Variants in ATP6V1D observed in about 807,000 individuals in gnomAD.
The protein encoded by ATP6V1D is ATPase H+ transporting V1 subunit D.
A neutral mutation model predicts 39.4 loss-of-function variants in ATP6V1D; 20 were observed. That is an observed-to-expected ratio of 0.51 (90% CI 0.36 to 0.74). ATP6V1D has a LOEUF of 0.74. Among genes scored for constraint, ATP6V1D ranks in the 30% least tolerant of loss-of-function variants. ATP6V1D has a pLI of 0.00. For synonymous variants in ATP6V1D, 100 were observed against 100.5 expected (o/e 0.99, Z 0.03); for missense variants, 228 against 291.6 (o/e 0.78, Z 1.59).
chr14:67,341,014 C>T (rs1157234694), intron 7 of ATP6V1D, among the ~76,000 whole-genome samples: 5 of 152,168 alleles, frequency 3.3e-5, no homozygotes, highest in Non-Finnish European at 5.9e-5. Flanking sequence ...GGCGTGATCT[C>T]GGCTCGCTAC....
At position 67,345,808 on chromosome 14, in the gene ATP6V1D, G is replaced by A; in HGVS notation, c.416C>T (p.Ala139Val). 2 of 1,614,060 alleles carry A rather than the reference G, an allele frequency of 1.2e-6. No individual in the cohort carries two copies. Among genetic ancestry groups the A allele is most frequent in the Non-Finnish European group, 1.7e-6 (2 of 1,179,992 alleles). The change falls in exon 6 of 9, where the codon GCC (alanine) becomes GTC (valine). Residue 139 changes from alanine to valine, a missense_variant. By Grantham distance (64) the Ala-to-Val change is moderately conservative. This residue lies in a region of ATP6V1D where 114 missense variants were observed against 128.3 expected (regional missense o/e 0.89). Transcript: ENST00000216442. ...EQLAKLKRNY[A>V]KAVELLVELA... ...TTCCACCAGTAGTTCCACTGCTTTG[G>A]CATAATTCCTCTTTAATTTAGCCAA...
intron 1 of ATP6V1D, among the ~76,000 whole-genome samples, chr14:67,355,641 C>T (rs887857232): frequency 4.6e-5 from 7 of 151,724 alleles, no homozygotes; most frequent in African/African-American, 7.3e-5. Context: ...TTATAAGTTC[C>T]GGGGAAAGAG....
intron 2 of ATP6V1D, chr14:67,352,708 GC>G: frequency 2.2e-6 from 1 of 446,936 alleles, no homozygotes; most frequent in Non-Finnish European, 3.9e-6. Flanking sequence ...CAGGCGGGGG[GC>G]CAATCAGATC....
intron 2 of ATP6V1D, among the ~76,000 whole-genome samples, chr14:67,351,259 TA>T (rs1818239517): frequency 6.6e-6 from 1 of 152,092 alleles, no homozygotes; most frequent in Non-Finnish European, 1.5e-5. Flanking sequence ...GGAAATTTAG[TA>T]AAGAGACCAC....
At chr14:67,340,891 G>C (rs2085575937) in intron 7 of ATP6V1D, among the ~76,000 whole-genome samples, 1 of 152,234 alleles carries the variant, frequency 6.6e-6, no homozygotes. Flanking sequence ...GGCCAGGCTG[G>C]TCTCCAGCTC....
intron 6 of ATP6V1D, 25 bp downstream of exon 6, chr14:67,345,743 G>C: frequency 6.6e-7 from 1 of 1,517,346 alleles, no homozygotes; most frequent in Non-Finnish European, 9.2e-7. Context: ...AACTACAGGA[G>C]TTCTCCAGGT....
At chr14:67,358,910 A>AT (rs1555345082) in intron 1 of ATP6V1D, among the ~76,000 whole-genome samples, 3 of 152,114 alleles carry the variant, frequency 2.0e-5, no homozygotes, top group Non-Finnish European at 4.4e-5. Context: ...TTCAAGAAAT[A>AT]TTTTTTTGTG....
chr14:67,353,500 G>C (rs1300839929), intron 1 of ATP6V1D, among the ~76,000 whole-genome samples: 4 of 151,886 alleles, frequency 2.6e-5, no homozygotes, highest in Non-Finnish European at 4.4e-5. Context: ...TGTTGTTGTT[G>C]TTTTTGAGAT....
At chr14:67,341,823 CA>C (rs1423503207) in intron 7 of ATP6V1D, among the ~76,000 whole-genome samples, 1 of 152,184 alleles carries the variant, frequency 6.6e-6, no homozygotes, top group East Asian at 1.9e-4. Flanking sequence ...GGAGACTTTT[CA>C]TTTTGTTCTG....
Position 67,338,294 on chromosome 14 carries a change from G to A in ATP6V1D, c.*327C>T, listed in dbSNP as rs1336952537. ...AGCTGCTCCACAGTAATTGGCCTGA[G>A]ACCGCTAATGCTTCCTAAGAGGTAT... is the stretch of plus-strand genomic sequence containing the variant. On this transcript the variant is annotated 3_prime_UTR_variant, in exon 9 of 9. Coordinates refer to ENST00000216442, the MANE Select transcript of ATP6V1D (RefSeq NM_015994.4). 1.6e-5 allele frequency: 3 copies of A among 181,878 alleles called. No individual in the cohort carries two copies. Among genetic ancestry groups the A allele is most frequent in the Non-Finnish European group, 3.4e-5 (3 of 87,752 alleles). 11.3% of individuals were successfully genotyped at this position (181,878 alleles called of 1,614,324 possible). A position where few individuals can be genotyped will look rare whatever the true frequency, so the allele number is the denominator to read the frequency against.
intron 6 of ATP6V1D, 28 bp from the exon 7 acceptor site, chr14:67,343,466 A>C: frequency 6.8e-7 from 1 of 1,476,868 alleles, no homozygotes. Context: ...TAATAATGTA[A>C]GCACAAAGTC....
At position 67,359,743 on chromosome 14, in the gene ATP6V1D, G is replaced by C. The variant is rs765482344; in HGVS notation, c.-45C>G. 5 of 1,611,198 alleles carry C rather than the reference G, an allele frequency of 3.1e-6. No homozygotes were observed. Among genetic ancestry groups the C allele is most frequent in the Non-Finnish European group, 3.4e-6 (4 of 1,178,514 alleles). ...CTCGGGTCCCCGGCCGGGCAACCGA[G>C]GCTGCAATAGCTCCAGAACTGGCCT... On this transcript the variant is annotated 5_prime_UTR_variant, in exon 1 of 9. Transcript: ENST00000216442.
intron 1 of ATP6V1D, chr14:67,353,758 TG>T (rs2085669883): frequency 6.5e-6 from 1 of 152,716 alleles, no homozygotes; most frequent in African/African-American, 2.4e-5. Flanking sequence ...CCCAAAGTAC[TG>T]GGATTACAGG....
At chr14:67,359,583 T>C in intron 1 of ATP6V1D, 75 bp downstream of exon 1, 1 of 1,528,594 alleles carries the variant, frequency 6.5e-7, no homozygotes, top group Non-Finnish European at 9.0e-7. Flanking sequence ...ACCCTCACTG[T>C]GGCCCAGGGT....
rs138958323 is a variant in ATP6V1D at position 67,343,405 on chromosome 14, T to C, written c.490A>G (p.Ile164Val). 6.2e-6 allele frequency: 10 copies of C among 1,611,926 alleles called. No individual in the cohort carries two copies. The African/African-American group carries it at 1.2e-4, about 19-fold the overall frequency. ...ATGGCATTTACACGCCTGTTGGTTA[T>C]CTTAATAGCTTCATCCAAAGTAACA... ...SFVTLDEAIKITNRRVNAIEH... is the reference protein window; with the variant it reads ...SFVTLDEAIKVTNRRVNAIEH... Residue 164 changes from isoleucine (I) to valine (V), a missense_variant, in exon 7 of 9, where the codon ATA becomes GTA. Ile to Val is a conservative substitution (Grantham distance 29). This residue lies in a region of ATP6V1D where 114 missense variants were observed against 128.3 expected (regional missense o/e 0.89). Transcript: ENST00000216442.
At chr14:67,346,846 A>G (rs1293233330) in intron 5 of ATP6V1D, among the ~76,000 whole-genome samples, 1 of 152,232 alleles carries the variant, frequency 6.6e-6, no homozygotes, top group East Asian at 1.9e-4. Flanking sequence ...ATGCAGAAAA[A>G]CAACACAGAA....
intron 8 of ATP6V1D, among the ~76,000 whole-genome samples, chr14:67,339,282 C>T (rs1448927275): frequency 1.3e-5 from 2 of 152,116 alleles, no homozygotes; most frequent in African/African-American, 4.8e-5. Flanking sequence ...CAGGCATGAG[C>T]CACCGAGCCC....
Position 67,352,907 on chromosome 14 carries a change from GA to G in ATP6V1D, c.159+15del. On this transcript the variant is annotated intron_variant, in intron 2 of 8. Transcript: ENST00000216442. ...TTTTCTAAAATAAATACTATTCTAA[GA>G]AAAGTTCATTCTACCTCTATTATCT... The G allele has an allele frequency of 6.5e-7, 1 of 1,549,288 alleles. No homozygotes were observed. The highest frequency in any genetic ancestry group is 1.2e-5 in the South Asian group (1 of 86,152).
chr14:67,353,548 C>A (rs894996610), intron 1 of ATP6V1D, among the ~76,000 whole-genome samples: 3 of 151,702 alleles, frequency 2.0e-5, no homozygotes, highest in Non-Finnish European at 4.4e-5. Flanking sequence ...AGTGCAATGG[C>A]GCGATCTCGA....
Sources: gnomAD v4.1 joint callset for allele counts (sites outside exome capture counted in the v4.1 genomes callset) on GRCh38, gnomAD v4.1.1 for gene constraint, gnomAD v4.1.1 regional missense constraint, MANE v1.5 for transcripts, NCBI Gene and HGNC (gene_info 2026-07-23, HGNC 2026-07-21) for gene names.